ANKFN1: variants seen among roughly 807,000 people sequenced by gnomAD.
ANKFN1 encodes ankyrin repeat and fibronectin type-III domain-containing protein 1.
ANKFN1 carries 74 observed loss-of-function variants against 108.7 expected under a neutral mutation model. That is an observed-to-expected ratio of 0.68 (90% CI 0.56 to 0.83). The LOEUF (loss-of-function observed/expected upper bound fraction) is 0.83. Ranked by LOEUF, ANKFN1 falls within the 40% of genes least tolerant of loss-of-function variation. The pLI is 0.00. For missense variants in ANKFN1, 1,505 were observed against 1,382.3 expected, an observed-to-expected ratio of 1.09 and a Z score of -1.41; for synonymous variants, 547 against 516.2, an observed-to-expected ratio of 1.06 and a Z score of -0.81.
chr17:56,424,172 C>T (rs1446879067), intron 8 of ANKFN1, among the ~76,000 whole-genome samples: 2 of 152,306 alleles, frequency 1.3e-5, no homozygotes, highest in East Asian at 3.9e-4. Context: ...AGACATAAAG[C>T]TTTACCCTTC....
intron 1 of ANKFN1, among the ~76,000 whole-genome samples, chr17:56,159,033 C>CAAAAAAAA (rs57878541): frequency 8.5e-5 from 6 of 70,980 alleles, no homozygotes; most frequent in South Asian, 7.5e-4. Flanking sequence ...TGGTCTAGGC[C>CAAAAAAAA]AAAAAAAAAA....
chr17:56,083,228 A>T (rs2143171164), intron 4 of ANKFN1, among the ~76,000 whole-genome samples: 1 of 151,516 alleles, frequency 6.6e-6, no homozygotes, highest in Middle Eastern at 3.4e-3. Context: ...TACACATTGC[A>T]GGTGCTCAAT....
intron 3 of ANKFN1, among the ~76,000 whole-genome samples, chr17:56,246,110 A>G (rs1269843916): frequency 6.6e-6 from 1 of 152,198 alleles, no homozygotes; most frequent in Non-Finnish European, 1.5e-5. Context: ...GCCTCTAATC[A>G]GATGAGTCAG....
intron 1 of ANKFN1, among the ~76,000 whole-genome samples, chr17:56,159,707 T>A (rs1909463489): frequency 6.6e-6 from 1 of 152,222 alleles, no homozygotes; most frequent in Admixed American, 6.5e-5. Flanking sequence ...GTTACTGTTT[T>A]TCTTGAACAT....
intron 1 of ANKFN1, among the ~76,000 whole-genome samples, chr17:56,202,450 G>A (rs1444629597): frequency 6.6e-6 from 1 of 152,114 alleles, no homozygotes; most frequent in Non-Finnish European, 1.5e-5. Flanking sequence ...CACAGTTTGT[G>A]GAATATTGAG....
chr17:56,147,738 T>C (rs973915583), intron 4 of ANKFN1, among the ~76,000 whole-genome samples: 2 of 152,178 alleles, frequency 1.3e-5, no homozygotes, highest in African/African-American at 4.8e-5. Flanking sequence ...GAAATCTTCA[T>C]ATCCATGATG....
rs2049019210 is a variant in ANKFN1, at chr17:56,439,137, G to A, written c.911-1190G>A. ...TGAGGAAAGCAAGCGAGATGCCCAGGAACATTCTGAAGAAGAGGAGAGAAT... is the reference window on the plus strand; with the variant it reads ...TGAGGAAAGCAAGCGAGATGCCCAGAAACATTCTGAAGAAGAGGAGAGAAT... On this transcript the variant is annotated intron_variant, in intron 8 of 20. Transcript: ENST00000682825. 2.0e-5 allele frequency among the ~76,000 whole-genome samples: 3 copies of A among 152,188 alleles called. No individual in the cohort carries two copies. In the South Asian group the frequency reaches 6.2e-4, roughly 32 times the overall value.
intron 4 of ANKFN1, among the ~76,000 whole-genome samples, chr17:56,081,557 T>C (rs1905246306): frequency 6.6e-6 from 1 of 152,134 alleles, no homozygotes; most frequent in East Asian, 1.9e-4. Context: ...TTCACCATGT[T>C]GGTTAGGCTG....
chr17:56,256,658 AG>A (rs2043364827), intron 3 of ANKFN1, among the ~76,000 whole-genome samples: 1 of 152,208 alleles, frequency 6.6e-6, no homozygotes, highest in African/African-American at 2.4e-5. Flanking sequence ...CCCCATATTA[AG>A]GACCAATTAT....
chr17:56,081,346 A>ATTTG (rs1905243735), intron 4 of ANKFN1, among the ~76,000 whole-genome samples: 3 of 151,968 alleles, frequency 2.0e-5, no homozygotes, highest in Non-Finnish European at 4.4e-5. Flanking sequence ...TTATTTATTT[A>ATTTG]TTTATTTATT....
chr17:56,333,627 T>C (rs900378658), intron 4 of ANKFN1, among the ~76,000 whole-genome samples: 8 of 152,036 alleles, frequency 5.3e-5, no homozygotes, highest in South Asian at 2.1e-4. Context: ...TAGACATTGG[T>C]CCATACCTTT....
chr17:56,355,787 T>C (rs961333791), intron 6 of ANKFN1, among the ~76,000 whole-genome samples: 5 of 152,128 alleles, frequency 3.3e-5, no homozygotes, highest in Admixed American at 2.6e-4. Flanking sequence ...AACAGCTTTA[T>C]TGAGATACAA....
intron 4 of ANKFN1, among the ~76,000 whole-genome samples, chr17:56,098,634 G>A (rs1905580427): frequency 6.6e-6 from 1 of 152,046 alleles, no homozygotes; most frequent in African/African-American, 2.4e-5. Flanking sequence ...AAAAGCACTT[G>A]GATCAAAGTG....
chr17:56,283,003 A>C (rs1282839021), intron 3 of ANKFN1, among the ~76,000 whole-genome samples: 2 of 152,186 alleles, frequency 1.3e-5, no homozygotes, highest in Non-Finnish European at 2.9e-5. Context: ...TCAGGGGTAC[A>C]TGTGCAGGTT....
chr17:56,188,908 A>G (rs1216450774), intron 1 of ANKFN1, among the ~76,000 whole-genome samples: 1 of 151,896 alleles, frequency 6.6e-6, no homozygotes, highest in Admixed American at 6.6e-5. Flanking sequence ...CCATTTCCCC[A>G]TCCTCTAAGG....
intron 4 of ANKFN1, among the ~76,000 whole-genome samples, chr17:56,052,173 T>C (rs547531255): frequency 6.6e-6 from 1 of 152,220 alleles, no homozygotes; most frequent in South Asian, 2.1e-4. Flanking sequence ...CAAACTATAC[T>C]ACAAGGCTAC....
chr17:56,333,325 G>C (rs544514875), intron 4 of ANKFN1, among the ~76,000 whole-genome samples: 6 of 152,180 alleles, frequency 3.9e-5, no homozygotes, highest in African/African-American at 1.2e-4. Flanking sequence ...TCAGATTGAA[G>C]AGGTTCCCTT....
intron 18 of ANKFN1, among the ~76,000 whole-genome samples, chr17:56,490,858 C>T (rs2051013971): frequency 6.6e-6 from 1 of 152,078 alleles, no homozygotes; most frequent in African/African-American, 2.4e-5. Context: ...CACTCTCACC[C>T]CATTCTTCTC....
chr17:56,093,807 C>T (rs756078411), intron 4 of ANKFN1, among the ~76,000 whole-genome samples: 3 of 151,320 alleles, frequency 2.0e-5, no homozygotes, highest in African/African-American at 4.9e-5. Flanking sequence ...TAATGTGTAA[C>T]TGATGAAGTT....
Sources: gnomAD v4.1 joint callset for allele counts (sites outside exome capture counted in the v4.1 genomes callset) on GRCh38, gnomAD v4.1.1 for gene constraint, MANE v1.5 for transcripts, NCBI Gene and HGNC (gene_info 2026-07-23, HGNC 2026-07-21) for gene names.